Variants in FAM171A1 observed in about 807,000 individuals in gnomAD.
FAM171A1 encodes protein FAM171A1.
A neutral mutation model predicts 74.9 loss-of-function variants in FAM171A1; 23 were observed. The observed-to-expected ratio is 0.31, with a 90% CI of 0.22 to 0.44. The LOEUF is 0.44. FAM171A1 is among the 20% of genes least tolerant of loss of function. The pLI is 1.00. For missense variants in FAM171A1, 1,162 were observed against 1,159.2 expected (o/e 1.00, Z -0.03); for synonymous variants, 527 against 505.7 (o/e 1.04, Z -0.57).
At chr10:15,308,813 C>A (rs913724173) in intron 1 of FAM171A1, among the ~76,000 whole-genome samples, 1 of 152,124 alleles carries the variant, frequency 6.6e-6, no homozygotes, top group Non-Finnish European at 1.5e-5. Flanking sequence ...AATCAAGGAG[C>A]AGACATCACA....
intron 5 of FAM171A1, among the ~76,000 whole-genome samples, chr10:15,223,796 G>T (rs1308655202): frequency 6.6e-6 from 1 of 152,232 alleles, no homozygotes; most frequent in Non-Finnish European, 1.5e-5. Context: ...CAACTGGGGT[G>T]GCTGAGGCAG....
chr10:15,351,230 C>T (rs1835872644), intron 1 of FAM171A1, among the ~76,000 whole-genome samples: 1 of 152,158 alleles, frequency 6.6e-6, no homozygotes, highest in Non-Finnish European at 1.5e-5. Flanking sequence ...GTGAACTATG[C>T]TTTGTGAGCC....
chr10:15,358,002 G>T (rs1477559754), intron 1 of FAM171A1, among the ~76,000 whole-genome samples: 1 of 152,114 alleles, frequency 6.6e-6, no homozygotes, highest in Non-Finnish European at 1.5e-5. Flanking sequence ...TTGAGACAAG[G>T]TCTTGCTCTG....
At chr10:15,336,508 C>CCCATG (rs1446526946) in intron 1 of FAM171A1, among the ~76,000 whole-genome samples, 3 of 151,976 alleles carry the variant, frequency 2.0e-5, no homozygotes, top group African/African-American at 7.3e-5. Context: ...AAATCTGTGT[C>CCCATG]CCATGTACTT....
At chr10:15,331,976 G>T (rs569617993) in intron 1 of FAM171A1, among the ~76,000 whole-genome samples, 1 of 150,566 alleles carries the variant, frequency 6.6e-6, no homozygotes, top group Admixed American at 6.7e-5. Flanking sequence ...TTTAGACAGA[G>T]TCTTGCTCTG....
At chr10:15,256,089 G>A (rs780070869) in intron 3 of FAM171A1, among the ~76,000 whole-genome samples, 1 of 152,156 alleles carries the variant, frequency 6.6e-6, no homozygotes, top group African/African-American at 2.4e-5. Context: ...CCAACCCCAG[G>A]CTTGAGGCAG....
chr10:15,213,333 G>A lies in FAM171A1; in HGVS notation c.2255C>T (p.Ala752Val), dbSNP rs1217811331. 1 of 1,614,162 alleles carries A rather than the reference G, an allele frequency of 6.2e-7. No homozygotes were observed. The highest frequency in any genetic ancestry group is 1.7e-5 in the Admixed American group (1 of 60,032). Reference sequence around the variant, plus strand: ...CAAAGCATCTCCCCTTCCCTTCCGGGCTGATTTTGGTTCATTCATATCTAC... The same window carrying A: ...CAAAGCATCTCCCCTTCCCTTCCGGACTGATTTTGGTTCATTCATATCTAC... ...SGVDMNEPKS[A>V]RKGRGDALSL... Residue 752 changes from alanine to valine, a missense_variant, in exon 8 of 8, where the codon GCC (alanine) becomes GTC (valine). By Grantham distance (64) the Ala-to-Val change is moderately conservative. Transcript: ENST00000378116. The surrounding 1 kb of genome is among the most constrained non-coding windows in gnomAD (Gnocchi z 6.8).
chr10:15,288,222 A>G (rs887080844), intron 1 of FAM171A1, among the ~76,000 whole-genome samples: 5 of 152,234 alleles, frequency 3.3e-5, no homozygotes, highest in African/African-American at 9.6e-5. Flanking sequence ...GCTGCTATAA[A>G]CATGCATATG....
intron 1 of FAM171A1, among the ~76,000 whole-genome samples, chr10:15,347,743 G>A (rs566441081): frequency 1.6e-4 from 24 of 149,694 alleles, no homozygotes; most frequent in Admixed American, 1.4e-3. Flanking sequence ...GCTGAGGCAG[G>A]AGAATCACTT....
intron 5 of FAM171A1, among the ~76,000 whole-genome samples, chr10:15,229,302 T>C (rs189957637): frequency 9.2e-5 from 14 of 152,296 alleles, no homozygotes; most frequent in African/African-American, 3.1e-4. Context: ...TTTCTTGGGC[T>C]GTCATGGCTC....
chr10:15,263,443 T>G (rs1834688155), intron 3 of FAM171A1, among the ~76,000 whole-genome samples: 1 of 152,228 alleles, frequency 6.6e-6, no homozygotes, highest in Non-Finnish European at 1.5e-5. Context: ...TCGTATAATT[T>G]ACGAGTGTTC....
intron 5 of FAM171A1, among the ~76,000 whole-genome samples, chr10:15,242,079 T>C (rs1477210242): frequency 2.0e-5 from 3 of 152,226 alleles, no homozygotes; most frequent in Non-Finnish European, 4.4e-5. Context: ...ATAGATAATT[T>C]AAAGTATTAA....
intron 1 of FAM171A1, among the ~76,000 whole-genome samples, chr10:15,323,273 T>C (rs1191029473): frequency 6.6e-6 from 1 of 151,766 alleles, no homozygotes; most frequent in Non-Finnish European, 1.5e-5. Context: ...GCCAGCATGG[T>C]GAAACCCCGC....
rs1187119493 is a variant in FAM171A1, at chr10:15,213,072, G to A, written c.2516C>T (p.Thr839Ile). 1.2e-6 allele frequency: 2 copies of A among 1,613,636 alleles called. No homozygotes were observed. The highest frequency in any genetic ancestry group is 2.7e-5 in the African/African-American group (2 of 74,894). Residue 839 changes from threonine (T) to isoleucine (I), a missense_variant, in exon 8 of 8, where the codon ACT becomes ATT. Coordinates refer to ENST00000378116, the MANE Select transcript of FAM171A1 (RefSeq NM_001010924.2). This position sits in a 1 kb window ranked among gnomAD's most constrained non-coding sequence, Gnocchi z 6.8. Reference sequence around the variant, plus strand: ...TGCTGGCTCCGAGGGGGCATCCGCAGTCCGTCTGGTCGTCTCCTCCTGCAG... The same window carrying A: ...TGCTGGCTCCGAGGGGGCATCCGCAATCCGTCTGGTCGTCTCCTCCTGCAG... ...PSLQEETTRR[T>I]ADAPSEPAAS...
At chr10:15,217,646 T>C (rs887462458) in intron 6 of FAM171A1, among the ~76,000 whole-genome samples, 8 of 152,086 alleles carry the variant, frequency 5.3e-5, no homozygotes, top group African/African-American at 1.7e-4. Context: ...ACAATTTTTT[T>C]TTTTTTTTGA....
chr10:15,229,362 CTTCT>C (rs1260200165), intron 5 of FAM171A1, among the ~76,000 whole-genome samples: 1 of 152,156 alleles, frequency 6.6e-6, no homozygotes, highest in Non-Finnish European at 1.5e-5. Context: ...GAGGAATAAT[CTTCT>C]TAAGAGGTAT....
intron 5 of FAM171A1, among the ~76,000 whole-genome samples, chr10:15,221,814 T>A (rs1834042209): frequency 6.6e-6 from 1 of 151,944 alleles, no homozygotes; most frequent in Non-Finnish European, 1.5e-5. Context: ...GAGAGCAGAG[T>A]GGGAATAGAA....
At chr10:15,230,273 G>T (rs965364977) in intron 5 of FAM171A1, among the ~76,000 whole-genome samples, 1 of 152,136 alleles carries the variant, frequency 6.6e-6, no homozygotes, top group South Asian at 2.1e-4. Flanking sequence ...GAGTAGCTAG[G>T]TTTCCTTCTT....
chr10:15,282,167 A>G (rs1230997830), intron 2 of FAM171A1, among the ~76,000 whole-genome samples: 1 of 152,112 alleles, frequency 6.6e-6, no homozygotes, highest in African/African-American at 2.4e-5. Flanking sequence ...TGCAGCCTCC[A>G]CATCCTGGGT....
Sources: allele counts gnomAD v4.1 joint callset (sites outside exome capture counted in the v4.1 genomes callset), GRCh38; gene constraint gnomAD v4.1.1; non-coding constraint Gnocchi (gnomAD v3.1); transcripts MANE v1.5; gene names NCBI Gene and HGNC (gene_info 2026-07-23, HGNC 2026-07-21).